ZMIZ1: variants seen among roughly 807,000 people sequenced by gnomAD.
ZMIZ1 encodes the protein zinc finger MIZ-type containing 1, also known as zinc finger MIZ domain-containing protein 1.
ZMIZ1 carries 17 observed loss-of-function variants against 113.9 expected under a neutral mutation model. That is an observed-to-expected ratio of 0.15 (90% CI 0.10 to 0.22). ZMIZ1 has a LOEUF of 0.22. Among genes scored for constraint, ZMIZ1 ranks in the 10% least tolerant of loss-of-function variants. The pLI, the probability that ZMIZ1 is intolerant of heterozygous loss-of-function variation, is 1.00. For missense variants in ZMIZ1, 1,059 were observed against 1,477.8 expected (o/e 0.72, Z 4.65); for synonymous variants, 607 against 603.1 (o/e 1.01, Z -0.09).
intron 2 of ZMIZ1, among the ~76,000 whole-genome samples, chr10:79,129,829 A>G (rs1361809719): frequency 6.6e-6 from 1 of 152,230 alleles, no homozygotes; most frequent in Non-Finnish European, 1.5e-5. Flanking sequence ...CTTCCGGTGC[A>G]TTGATGGAGT....
chr10:79,272,150 A>T (rs1343290147), intron 7 of ZMIZ1, among the ~76,000 whole-genome samples: 1 of 152,090 alleles, frequency 6.6e-6, no homozygotes, highest in Non-Finnish European at 1.5e-5. Context: ...GCCAGGCGTG[A>T]TGGTGCACAA....
At chr10:79,084,064 C>A (rs1842736402) in intron 1 of ZMIZ1, among the ~76,000 whole-genome samples, 1 of 152,194 alleles carries the variant, frequency 6.6e-6, no homozygotes, top group Admixed American at 6.5e-5. Context: ...CCACTCTATG[C>A]ACCATAGTTT....
At chr10:79,193,028 T>G (rs765811214) in intron 4 of ZMIZ1, among the ~76,000 whole-genome samples, 1 of 152,128 alleles carries the variant, frequency 6.6e-6, no homozygotes, top group Non-Finnish European at 1.5e-5. Context: ...ACCACCACCC[T>G]CTTCCTCTGC....
intron 7 of ZMIZ1, among the ~76,000 whole-genome samples, chr10:79,269,583 G>T (rs959683736): frequency 6.6e-6 from 1 of 152,080 alleles, no homozygotes; most frequent in South Asian, 2.1e-4. Context: ...CCAGGCTGCA[G>T]TGTGTTCGAT....
chr10:79,176,236 C>T (rs1344144971), intron 4 of ZMIZ1, among the ~76,000 whole-genome samples: 1 of 152,076 alleles, frequency 6.6e-6, no homozygotes, highest in Non-Finnish European at 1.5e-5. Context: ...TCCCAGGCTT[C>T]TCCAAACCCA....
intron 2 of ZMIZ1, among the ~76,000 whole-genome samples, chr10:79,120,910 C>G (rs1215353496): frequency 6.6e-6 from 1 of 152,192 alleles, no homozygotes; most frequent in Non-Finnish European, 1.5e-5. Flanking sequence ...ACCTGCACTT[C>G]CCTGTTGACT....
chr10:79,112,728 C>T (rs1189093184), intron 1 of ZMIZ1, among the ~76,000 whole-genome samples: 4 of 152,166 alleles, frequency 2.6e-5, no homozygotes, highest in African/African-American at 4.8e-5. Flanking sequence ...GACATTTCCC[C>T]GAAACCAGGC....
At chr10:79,188,414 G>A (rs999980014) in intron 4 of ZMIZ1, among the ~76,000 whole-genome samples, 3 of 152,230 alleles carry the variant, frequency 2.0e-5, no homozygotes, top group Non-Finnish European at 2.9e-5. Flanking sequence ...CTTGCTGGGG[G>A]AGGGAGCCCA....
In ZMIZ1 at chr10:79,307,548, C is replaced by T. The variant is rs775382857; in HGVS notation, c.2812C>T (p.Leu938Phe). ...CAACATGGCCGCCCTCGAGAAACCC[C>T]TCAGCCACCCCATGCAGGAAACTGT... ...PNNMAALEKPLSHPMQETMPH... is the reference protein window; with the variant it reads ...PNNMAALEKPFSHPMQETMPH... The change falls in exon 23 of 25, where the codon CTC becomes TTC. Residue 938 changes from leucine to phenylalanine, a missense_variant. By Grantham distance (22) the Leu-to-Phe change is conservative. Transcript: ENST00000334512. The T allele has an allele frequency of 6.2e-7, 1 of 1,612,560 alleles. No homozygotes were observed. The highest frequency in any genetic ancestry group is 2.2e-5 in the East Asian group (1 of 44,714).
intron 2 of ZMIZ1, among the ~76,000 whole-genome samples, chr10:79,138,756 T>C (rs1236823768): frequency 5.3e-5 from 8 of 152,196 alleles, no homozygotes; most frequent in Non-Finnish European, 1.2e-4. Context: ...AATTAGATAG[T>C]ACCCAACAGG....
At position 79,293,594 on chromosome 10, in the gene ZMIZ1, C is replaced by G. The variant is rs748755641; in HGVS notation, c.1171C>G (p.Pro391Ala). Residue 391 changes from proline (P) to alanine (A), a missense_variant, in exon 12 of 25, where the codon CCG (proline) becomes GCG (alanine). By Grantham distance (27) the Pro-to-Ala change is conservative (BLOSUM62 -1). Coordinates refer to ENST00000334512, the MANE Select transcript of ZMIZ1 (RefSeq NM_020338.4). Reference protein sequence around the residue: ...HGQRMPQQTYPGPRPQSLPIQ... With the variant: ...HGQRMPQQTYAGPRPQSLPIQ... Reference sequence around the variant, plus strand: ...GCAGCGGATGCCCCAGCAGACCTACCCGGGCCCCCGGCCCCAGTCCCTTCC... The same window carrying G: ...GCAGCGGATGCCCCAGCAGACCTACGCGGGCCCCCGGCCCCAGTCCCTTCC... The G allele has an allele frequency of 6.2e-7, 1 of 1,613,116 alleles. No homozygotes were observed. Among genetic ancestry groups the G allele is most frequent in the Admixed American group, 1.7e-5 (1 of 60,030 alleles).
intron 4 of ZMIZ1, among the ~76,000 whole-genome samples, chr10:79,172,234 G>C (rs1008187126): frequency 7.9e-5 from 12 of 152,110 alleles, no homozygotes; most frequent in Non-Finnish European, 5.9e-5. Flanking sequence ...GACCAAGCAG[G>C]AACATGGCGG....
At chr10:79,253,659 A>G (rs1278718786) in intron 7 of ZMIZ1, among the ~76,000 whole-genome samples, 1 of 152,168 alleles carries the variant, frequency 6.6e-6, no homozygotes, top group Non-Finnish European at 1.5e-5. Context: ...TTCAGTGTCC[A>G]CCAGGGCACT....
chr10:79,156,463 C>G (rs1845905833), intron 3 of ZMIZ1, among the ~76,000 whole-genome samples: 1 of 152,224 alleles, frequency 6.6e-6, no homozygotes, highest in African/African-American at 2.4e-5. Flanking sequence ...ACCTGGTGTT[C>G]CTGCCTTCCC....
chr10:79,076,018 C>T (rs538128967), intron 1 of ZMIZ1, among the ~76,000 whole-genome samples: 10 of 152,278 alleles, frequency 6.6e-5, no homozygotes, highest in East Asian at 1.9e-4. Context: ...TCGGGAGCTT[C>T]GGGGAAAGAT....
At chr10:79,098,586 A>C (rs918075141) in intron 1 of ZMIZ1, among the ~76,000 whole-genome samples, 1 of 152,236 alleles carries the variant, frequency 6.6e-6, no homozygotes, top group African/African-American at 2.4e-5. Flanking sequence ...TTGCATAATG[A>C]GCTCAGTGAA....
chr10:79,208,994 C>T (rs927832927), intron 6 of ZMIZ1, among the ~76,000 whole-genome samples: 4 of 152,016 alleles, frequency 2.6e-5, no homozygotes, highest in African/African-American at 4.8e-5. Context: ...TCCTCTGTAG[C>T]GGAGGAGGCA....
chr10:79,125,364 G>T (rs1589302071), intron 2 of ZMIZ1, among the ~76,000 whole-genome samples: 1 of 152,212 alleles, frequency 6.6e-6, no homozygotes, highest in Admixed American at 6.5e-5. Context: ...AGAGGCTAGA[G>T]CAGGTAGGCA....
intron 2 of ZMIZ1, among the ~76,000 whole-genome samples, chr10:79,136,649 G>C (rs1845022462): frequency 6.6e-6 from 1 of 152,224 alleles, no homozygotes; most frequent in Non-Finnish European, 1.5e-5. Context: ...GTGTGACCTT[G>C]GACTGGTTTC....
Sources: gnomAD v4.1 joint callset for allele counts (sites outside exome capture counted in the v4.1 genomes callset) on GRCh38, gnomAD v4.1.1 for gene constraint, MANE v1.5 for transcripts, NCBI Gene and HGNC (gene_info 2026-07-23, HGNC 2026-07-21) for gene names.